MTMR3: variants seen among roughly 807,000 people sequenced by gnomAD.
The protein encoded by MTMR3 is phosphatidylinositol-3,5-bisphosphate 3-phosphatase MTMR3.
MTMR3 carries 32 observed loss-of-function variants against 132.4 expected under a neutral mutation model. The ratio of observed to expected loss-of-function variants is 0.24; its 90% CI spans 0.18 to 0.32. The LOEUF (loss-of-function observed/expected upper bound fraction) is 0.32, where lower values mean the gene tolerates loss of function less well. Among genes scored for constraint, MTMR3 ranks in the 10% least tolerant of loss-of-function variants. The pLI is 1.00. For missense variants in MTMR3, 1,216 were observed against 1,489.6 expected (o/e 0.82, Z 3.02); for synonymous variants, 556 against 550.3 (o/e 1.01, Z -0.14).
At position 29,976,121 on chromosome 22, in the gene MTMR3, T is replaced by TG. The variant is rs1491133951; in HGVS notation, c.4-2321_4-2320insG. ...AGTTGACATTTTATTATAGTGTGTG[T>TG]TTTTTTTTTTTTTTTAAATCACACT... On this transcript the variant is annotated intron_variant, in intron 3 of 19. Transcript: ENST00000401950. Among the ~76,000 whole-genome samples the TG allele has an allele frequency of 3.1e-3, 110 of 35,646 alleles. No homozygotes were observed. The East Asian group carries it at 0.043, about 14-fold the overall frequency. The allele number at this position is 35,646 out of a possible 152,430, so 23.4% of individuals were successfully genotyped here.
chr22:29,889,409 C>T lies in MTMR3; in HGVS notation c.-138+6050C>T, dbSNP rs572513374. The stretch of plus-strand genomic sequence containing the variant: ...TCTAGCAATTCTGCTGCCTTAGCCT[C>T]CTGAGTAGTTGGGATTACAGGTACC... On this transcript the variant is annotated intron_variant, in intron 1 of 19. Transcript: ENST00000401950. 9.9e-5 allele frequency among the ~76,000 whole-genome samples: 15 copies of T among 151,404 alleles called. 1 individual carries two copies. The highest frequency in any genetic ancestry group is 6.9e-3 in the Middle Eastern group (2 of 290).
Position 30,022,432 on chromosome 22 carries a change from T to A in MTMR3, c.3337-177T>A, listed in dbSNP as rs6006324. Reference sequence around the variant, plus strand: ...TACTTTATCTCAGGGGAGATTGGAGTCCCCTCCAGGGAAACGATTTGGACG... The same window carrying A: ...TACTTTATCTCAGGGGAGATTGGAGACCCCTCCAGGGAAACGATTTGGACG... On this transcript the variant is annotated intron_variant, in intron 18 of 19. Transcript: ENST00000401950. 2.5e-5 allele frequency: 16 copies of A among 633,784 alleles called. No homozygotes were observed. In the African/African-American group the frequency reaches 2.7e-4, roughly 11 times the overall value. 39.3% of individuals were successfully genotyped at this position (633,784 alleles called of 1,614,324 possible). A position where few individuals can be genotyped will look rare whatever the true frequency, so the allele number is the denominator to read the frequency against.
chr22:29,994,123 CT>C, intron 7 of MTMR3: 1 of 985,362 alleles, frequency 1.0e-6, no homozygotes, highest in Non-Finnish European at 1.2e-6. Context: ...TAAGTGCCCC[CT>C]ATGTGCCATG....
Position 30,020,272 on chromosome 22 carries a change from T to C in MTMR3, c.2613T>C (p.Ser871=), listed in dbSNP as rs936116178. The change falls in exon 17 of 20, where the codon AGT becomes AGC. Residue 871 remains serine, a synonymous_variant. Transcript: ENST00000401950. ...QGHHRSCLVN[S]GKDRLPQTME... is the part of the protein sequence containing the mutation. Reference sequence around the variant, plus strand: ...ATCATAGATCTTGCCTTGTAAATAGTGGCAAGGACAGGCTTCCTCAGACCA... The same window carrying C: ...ATCATAGATCTTGCCTTGTAAATAGCGGCAAGGACAGGCTTCCTCAGACCA... The C allele has an allele frequency of 5.0e-6, 8 of 1,614,188 alleles. No individual in the cohort carries two copies. Among genetic ancestry groups the C allele is most frequent in the Non-Finnish European group, 6.8e-6 (8 of 1,180,024 alleles).
intron 14 of MTMR3, 65 bp downstream of exon 14, chr22:30,013,606 C>G: frequency 6.9e-7 from 1 of 1,459,458 alleles, no homozygotes; most frequent in Non-Finnish European, 9.4e-7. Context: ...GTTAGTGGGC[C>G]AGTTCTCACA....
At chr22:29,946,890 A>G (rs190226584) in intron 1 of MTMR3, among the ~76,000 whole-genome samples, 140 of 152,314 alleles carry the variant, frequency 9.2e-4, no homozygotes, top group Middle Eastern at 6.8e-3. Context: ...TGTTCTGTTT[A>G]ATCTCAGATA....
chr22:29,964,365 C>T (rs1486946042), intron 2 of MTMR3, among the ~76,000 whole-genome samples: 5 of 152,084 alleles, frequency 3.3e-5, no homozygotes. Flanking sequence ...TTACATAATA[C>T]CCAGAGTGGT....
At chr22:29,906,270 G>C (rs375235410) in intron 1 of MTMR3, among the ~76,000 whole-genome samples, 1 of 104,224 alleles carries the variant, frequency 9.6e-6, no homozygotes, top group Non-Finnish European at 1.9e-5. Context: ...CTGTCTGTCT[G>C]TCTGTCTGTC....
intron 2 of MTMR3, among the ~76,000 whole-genome samples, chr22:29,963,738 A>C (rs185384825): frequency 3.3e-4 from 50 of 151,752 alleles, no homozygotes; most frequent in African/African-American, 1.2e-3. Flanking sequence ...GATATGCCAC[A>C]TTCTGTTTAT....
rs2067711683 is a variant in MTMR3 at position 30,020,269 on chromosome 22, T to C, written c.2610T>C (p.Asn870=). ...GTCATCATAGATCTTGCCTTGTAAA[T>C]AGTGGCAAGGACAGGCTTCCTCAGA... The part of the protein sequence containing the change: ...PQGHHRSCLV[N]SGKDRLPQTM... Residue 870 remains asparagine (N), a synonymous_variant, in exon 17 of 20, where the codon AAT becomes AAC. Coordinates refer to ENST00000401950, the MANE Select transcript of MTMR3 (RefSeq NM_021090.4). 1.2e-6 allele frequency: 2 copies of C among 1,614,098 alleles called. No individual in the cohort carries two copies. Among genetic ancestry groups the C allele is most frequent in the East Asian group, 2.2e-5 (1 of 44,884 alleles).
chr22:29,954,643 C>G (rs918630943), intron 1 of MTMR3, among the ~76,000 whole-genome samples: 1 of 152,168 alleles, frequency 6.6e-6, no homozygotes, highest in Non-Finnish European at 1.5e-5. Flanking sequence ...CTGAAGATAC[C>G]TCATCTTTTT....
At position 30,022,056 on chromosome 22, in the gene MTMR3, C is replaced by T; in HGVS notation, c.3253C>T (p.Leu1085=). 2 of 1,614,216 alleles carry T rather than the reference C, an allele frequency of 1.2e-6. No individual in the cohort carries two copies. The highest frequency in any genetic ancestry group is 1.7e-6 in the Non-Finnish European group (2 of 1,180,036). The change falls in exon 18 of 20, where the codon CTG becomes TTG. Residue 1085 remains leucine, a synonymous_variant. Transcript: ENST00000401950. ...TTCAATCCCCGACTCGGAAAGCAAT[C>T]TGGATCAGAACTGTTTGTCTCGCTG... The part of the protein sequence containing the change: ...VTSIPDSESN[L]DQNCLSRCST...
chr22:29,925,160 G>A (rs1378862135), intron 1 of MTMR3, among the ~76,000 whole-genome samples: 1 of 152,178 alleles, frequency 6.6e-6, no homozygotes, highest in Non-Finnish European at 1.5e-5. Context: ...ATCCTCCCCA[G>A]TAGCTGGGAC....
intron 1 of MTMR3, among the ~76,000 whole-genome samples, chr22:29,884,351 G>A (rs949834100): frequency 6.6e-6 from 1 of 152,140 alleles, no homozygotes; most frequent in African/African-American, 2.4e-5. Flanking sequence ...GCCATAAGAG[G>A]CCTGGGTTGA....
At chr22:29,988,208 G>T (rs910816208) in intron 5 of MTMR3, 7 of 246,850 alleles carry the variant, frequency 2.8e-5, no homozygotes, top group Admixed American at 5.1e-5. Flanking sequence ...CGGTGCCTGA[G>T]AGATATATTC....
At chr22:30,018,729 CCTGT>C (rs2067665069) in intron 16 of MTMR3, 3 of 150,492 alleles carry the variant, frequency 2.0e-5, no homozygotes, top group Non-Finnish European at 2.9e-5. Flanking sequence ...CAGGGCAAGA[CCTGT>C]CTCAGGAAAA....
chr22:30,022,793 TTC>T (rs1458551903), intron 19 of MTMR3, 96 bp downstream of exon 19: 4 of 1,125,374 alleles, frequency 3.6e-6, no homozygotes, highest in Non-Finnish European at 5.2e-6. Flanking sequence ...TATCTCAGTG[TTC>T]TGTCTGAGGC....
chr22:29,959,054 CA>C (rs2066256013), intron 2 of MTMR3, among the ~76,000 whole-genome samples: 1 of 152,106 alleles, frequency 6.6e-6, no homozygotes, highest in Non-Finnish European at 1.5e-5. Flanking sequence ...GTATTCTTTG[CA>C]AGTATAAGTT....
intron 2 of MTMR3, among the ~76,000 whole-genome samples, chr22:29,957,789 T>C (rs549335412): frequency 6.6e-6 from 1 of 152,290 alleles, no homozygotes; most frequent in African/African-American, 2.4e-5. Context: ...CCTTACCTTC[T>C]TTTGCTTTCC....
Sources: gnomAD v4.1 joint callset for allele counts (sites outside exome capture counted in the v4.1 genomes callset) on GRCh38, gnomAD v4.1.1 for gene constraint, MANE v1.5 for transcripts, NCBI Gene and HGNC (gene_info 2026-07-23, HGNC 2026-07-21) for gene names.